RIN3: variants seen among roughly 807,000 people sequenced by gnomAD.
RIN3 encodes the protein Ras and Rab interactor 3.
A neutral mutation model predicts 76.3 loss-of-function variants in RIN3; 54 were observed. The observed-to-expected ratio is 0.71, with a 90% CI of 0.57 to 0.89. The LOEUF (loss-of-function observed/expected upper bound fraction) is 0.89. Ranked by LOEUF, RIN3 falls within the 40% of genes least tolerant of loss-of-function variation. The probability of loss-of-function intolerance (pLI) is 0.00; values close to 1 mark genes in which losing one functional copy is unlikely to be tolerated. For synonymous variants in RIN3, 576 were observed against 564.0 expected (o/e 1.02, Z -0.30); for missense variants, 1,256 against 1,322.1 (o/e 0.95, Z 0.78).
chr14:92,519,906 T>A (rs1896549639), intron 1 of RIN3, among the ~76,000 whole-genome samples: 1 of 152,286 alleles, frequency 6.6e-6, no homozygotes, highest in Admixed American at 6.5e-5. Context: ...GTGTCAGCGT[T>A]TATACAAGAG....
At chr14:92,587,677 G>A (rs544571549) in intron 3 of RIN3, among the ~76,000 whole-genome samples, 46 of 152,046 alleles carry the variant, frequency 3.0e-4, no homozygotes, top group African/African-American at 1.0e-3. Context: ...CTGTCTCGGG[G>A]GTCCAGAAAC....
At chr14:92,582,871 A>G (rs1884605625) in intron 3 of RIN3, among the ~76,000 whole-genome samples, 1 of 152,126 alleles carries the variant, frequency 6.6e-6, no homozygotes, top group African/African-American at 2.4e-5. Context: ...TGCCGAGTTA[A>G]TGTGCCGCTC....
chr14:92,547,041 T>C lies in RIN3; in HGVS notation c.45-8710T>C, dbSNP rs1013819294. On this transcript the variant is annotated intron_variant, in intron 1 of 9. Coordinates refer to ENST00000216487, the MANE Select transcript of RIN3 (RefSeq NM_024832.5). ...TTAATATAATTATTATTTTATTTTA[T>C]TTTATTATAATAAAATAAATTATAT... 3.1e-5 allele frequency among the ~76,000 whole-genome samples: 4 copies of C among 128,520 alleles called. 1 individual carries two copies. The highest frequency in any genetic ancestry group is 1.1e-4 in the African/African-American group (4 of 36,700). 84.3% of individuals were successfully genotyped at this position (128,520 alleles called of 152,430 possible).
At position 92,641,305 on chromosome 14, in the gene RIN3, G is replaced by A. The variant is rs1887003535; in HGVS notation, c.508G>A (p.Glu170Lys). The A allele has an allele frequency of 6.2e-7, 1 of 1,613,982 alleles. No individual in the cohort carries two copies. The highest frequency in any genetic ancestry group is 1.3e-5 in the African/African-American group (1 of 74,916). Residue 170 changes from glutamate (E) to lysine (K), a missense_variant, in exon 5 of 10, where the codon GAG (glutamate) becomes AAG (lysine). By Grantham distance (56) the Glu-to-Lys change is moderately conservative. Coordinates refer to ENST00000216487, the MANE Select transcript of RIN3 (RefSeq NM_024832.5). The part of the protein sequence containing the change: ...ILEASSFTDL[E>K]TIANLGLGFW... ...TGAGGCCAGCAGCTTCACGGACCTTGAGACCATCGCCAACCTGGGTCTGGG... is the reference window on the plus strand; with the variant it reads ...TGAGGCCAGCAGCTTCACGGACCTTAAGACCATCGCCAACCTGGGTCTGGG...
intron 1 of RIN3, among the ~76,000 whole-genome samples, chr14:92,552,884 G>T (rs779730191): frequency 2.0e-5 from 3 of 151,792 alleles, no homozygotes; most frequent in Admixed American, 6.6e-5. Context: ...TAACTGTTTT[G>T]TTCACTGCTC....
chr14:92,573,361 C>T (rs1244643201), intron 2 of RIN3, among the ~76,000 whole-genome samples: 2 of 152,204 alleles, frequency 1.3e-5, no homozygotes, highest in Admixed American at 6.5e-5. Flanking sequence ...AAGCTGGGTG[C>T]ATCTTCCTCC....
chr14:92,577,213 C>T (rs1261881968), intron 2 of RIN3, 147 bp from the exon 3 acceptor site: 2 of 592,506 alleles, frequency 3.4e-6, no homozygotes, highest in African/African-American at 1.9e-5. Flanking sequence ...TGGGGCAGAA[C>T]CCCCAGTGTC....
intron 7 of RIN3, among the ~76,000 whole-genome samples, chr14:92,676,029 C>T (rs1420675563): frequency 6.6e-6 from 1 of 151,914 alleles, no homozygotes; most frequent in African/African-American, 2.4e-5. Flanking sequence ...TTTCAGGTCT[C>T]GTAGTGTCTG....
chr14:92,677,657 C>T lies in RIN3; in HGVS notation c.2467+1051C>T, dbSNP rs139216861. Among the ~76,000 whole-genome samples, 1,080 of 151,990 alleles carry T rather than the reference C, an allele frequency of 7.1e-3. 12 individuals carry two copies. Among genetic ancestry groups the T allele is most frequent in the African/African-American group, 0.016 (667 of 41,414 alleles). On this transcript the variant is annotated intron_variant, in intron 8 of 9. Coordinates refer to ENST00000216487, the MANE Select transcript of RIN3 (RefSeq NM_024832.5). ...AGTTAAAAATGTCCTGTAATGGGAA[C>T]AAGTTGTCTTCTAGGAAGTCCAGGA... is the stretch of plus-strand genomic sequence containing the variant.
At chr14:92,517,093 C>T (rs1595382540) in intron 1 of RIN3, among the ~76,000 whole-genome samples, 1 of 152,136 alleles carries the variant, frequency 6.6e-6, no homozygotes, top group South Asian at 2.1e-4. Context: ...TCTCTGTAAC[C>T]CCCTGGAAGA....
intron 3 of RIN3, among the ~76,000 whole-genome samples, chr14:92,593,582 C>T (rs995942299): frequency 3.9e-5 from 6 of 152,068 alleles, no homozygotes; most frequent in Admixed American, 6.5e-5. Flanking sequence ...AGGAGATGTA[C>T]GTAATGTAAA....
At chr14:92,516,949 G>T (rs1319575350) in intron 1 of RIN3, among the ~76,000 whole-genome samples, 1 of 152,202 alleles carries the variant, frequency 6.6e-6, no homozygotes, top group African/African-American at 2.4e-5. Context: ...AGGACACCCA[G>T]ACCCTTCACC....
Position 92,652,188 on chromosome 14 carries a change from A to T in RIN3, c.1139A>T (p.Lys380Met). Reference protein sequence around the residue: ...QVPAPPLPAKKNLPTAPPRRR... With the variant: ...QVPAPPLPAKMNLPTAPPRRR... ...CCCGCCCCGCCACTGCCTGCGAAGA[A>T]GAACCTTCCCACTGCCCCTCCCAGA... Residue 380 changes from lysine to methionine, a missense_variant, in exon 6 of 10, where the codon AAG (lysine) becomes ATG (methionine). Physicochemically the swap from Lys to Met is moderately conservative, Grantham distance 95. Coordinates refer to ENST00000216487, the MANE Select transcript of RIN3 (RefSeq NM_024832.5). This position sits in a 1 kb window ranked among gnomAD's most constrained non-coding sequence, Gnocchi z 6.4. 6.2e-7 allele frequency: 1 copy of T among 1,605,250 alleles called. No homozygotes were observed. Among genetic ancestry groups the T allele is most frequent in the East Asian group, 2.2e-5 (1 of 44,666 alleles).
chr14:92,526,257 AC>A (rs1295672597), intron 1 of RIN3, among the ~76,000 whole-genome samples: 2 of 151,950 alleles, frequency 1.3e-5, no homozygotes, highest in Non-Finnish European at 2.9e-5. Flanking sequence ...GGAGTTCGAG[AC>A]CAGCCTGGGC....
intron 3 of RIN3, among the ~76,000 whole-genome samples, chr14:92,584,295 G>A (rs1182691285): frequency 2.0e-5 from 3 of 152,170 alleles, no homozygotes; most frequent in Non-Finnish European, 2.9e-5. Flanking sequence ...CACCCATCTG[G>A]GGCATTCAGG....
chr14:92,653,040 T>C lies in RIN3; in HGVS notation c.1991T>C (p.Leu664Pro). 6.2e-7 allele frequency: 1 copy of C among 1,608,534 alleles called. No homozygotes were observed. Among genetic ancestry groups the C allele is most frequent in the East Asian group, 2.2e-5 (1 of 44,858 alleles). ...CTGCAGAGCACCGAGCTCAAGGCCC[T>C]GGTGGACCCCGCCCTGCACTCCGAG... Reference protein sequence around the residue: ...YLLQSTELKALVDPALHSEEE... With the variant: ...YLLQSTELKAPVDPALHSEEE... The change falls in exon 6 of 10, where the codon CTG becomes CCG. Residue 664 changes from leucine (L) to proline (P), a missense_variant. Leu to Pro is a moderately conservative substitution (Grantham distance 98). This residue lies in a region of RIN3 where 428 missense variants were observed against 521.2 expected (regional missense o/e 0.82). Coordinates refer to ENST00000216487, the MANE Select transcript of RIN3 (RefSeq NM_024832.5).
chr14:92,556,324 A>T (rs915200783), intron 2 of RIN3, among the ~76,000 whole-genome samples: 2 of 150,632 alleles, frequency 1.3e-5, no homozygotes, highest in South Asian at 2.1e-4. Flanking sequence ...AGAGAGTGTC[A>T]ATCAGAGCCA....
At chr14:92,577,598 G>C in intron 3 of RIN3, 121 bp downstream of exon 3, 1 of 608,720 alleles carries the variant, frequency 1.6e-6, no homozygotes, top group Non-Finnish European at 3.0e-6. Context: ...TTAGAAGGAG[G>C]AAAAGCTTTC....
chr14:92,547,659 G>A (rs1897320811), intron 1 of RIN3, among the ~76,000 whole-genome samples: 1 of 151,774 alleles, frequency 6.6e-6, no homozygotes, highest in South Asian at 2.1e-4. Flanking sequence ...GCCTCTCAAA[G>A]TGCTGAGATT....
Sources: gnomAD v4.1 joint callset for allele counts (sites outside exome capture counted in the v4.1 genomes callset) on GRCh38, gnomAD v4.1.1 for gene constraint, gnomAD v4.1.1 regional missense constraint, Gnocchi (gnomAD v3.1) non-coding constraint, MANE v1.5 for transcripts, NCBI Gene and HGNC (gene_info 2026-07-23, HGNC 2026-07-21) for gene names.